Variants in LEKR1 observed in about 807,000 individuals in gnomAD.
The protein encoded by LEKR1 is protein LEKR1.
Under a neutral mutation model 72.4 loss-of-function variants are expected in LEKR1, and 59 were observed. That is an observed-to-expected ratio of 0.82 (90% confidence interval 0.66 to 1.01). LEKR1 has a LOEUF of 1.01. Ranked by LOEUF, LEKR1 falls within the 50% of genes least tolerant of loss-of-function variation. The pLI is 0.00. For missense variants in LEKR1, 728 were observed against 759.2 expected (o/e 0.96, Z 0.48); for synonymous variants, 257 against 263.2 (o/e 0.98, Z 0.23).
intron 5 of LEKR1, among the ~76,000 whole-genome samples, chr3:156,936,537 T>C (rs966065945): frequency 9.9e-5 from 15 of 152,116 alleles, no homozygotes; most frequent in African/African-American, 3.1e-4. Context: ...TTCTAAAGTC[T>C]ATGTTTTTTC....
In LEKR1 at chr3:156,850,916, G is replaced by C. The variant is rs563035486; in HGVS notation, c.49-1852G>C. On this transcript the variant is annotated intron_variant, in intron 2 of 12. Transcript: ENST00000356539. ...TGCACTGCAGTATTTTTAAAATCAG[G>C]GGTTTTATTTAACATAAAGCCAGTT... Among the ~76,000 whole-genome samples the C allele has an allele frequency of 3.3e-5, 5 of 152,028 alleles. No homozygotes were observed. The South Asian group carries it at 8.3e-4, about 25-fold the overall frequency.
intron 9 of LEKR1, among the ~76,000 whole-genome samples, chr3:157,005,611 A>G (rs181671526): frequency 1.3e-5 from 2 of 152,296 alleles, no homozygotes; most frequent in Admixed American, 1.3e-4. Flanking sequence ...GAAATAAATC[A>G]TGAATAAGTG....
At chr3:156,973,928 T>C (rs1576927952) in intron 6 of LEKR1, among the ~76,000 whole-genome samples, 2 of 152,306 alleles carry the variant, frequency 1.3e-5, no homozygotes, top group East Asian at 3.9e-4. Flanking sequence ...TTCAGTGAAG[T>C]AGGAATGTAA....
chr3:157,014,925 T>C (rs1451630034), intron 10 of LEKR1, among the ~76,000 whole-genome samples: 1 of 152,156 alleles, frequency 6.6e-6, no homozygotes, highest in Non-Finnish European at 1.5e-5. Flanking sequence ...AAATACAAAG[T>C]TCCATATTTC....
intron 6 of LEKR1, among the ~76,000 whole-genome samples, chr3:156,953,139 G>A (rs1216759527): frequency 5.4e-5 from 8 of 148,248 alleles, no homozygotes; most frequent in African/African-American, 2.0e-4. Context: ...TTAGGTGAAT[G>A]AGAGATGAAT....
At chr3:156,977,721 T>G (rs1729820812) in intron 6 of LEKR1, 2 of 237,472 alleles carry the variant, frequency 8.4e-6, no homozygotes, top group African/African-American at 2.3e-5. Context: ...ATAAGACATT[T>G]CTGAAAACAT....
At chr3:156,887,399 G>A (rs1304287726) in intron 3 of LEKR1, among the ~76,000 whole-genome samples, 1 of 151,626 alleles carries the variant, frequency 6.6e-6, no homozygotes, top group Non-Finnish European at 1.5e-5. Flanking sequence ...CAGAGTGTGG[G>A]GCGCACAAGA....
intron 11 of LEKR1, among the ~76,000 whole-genome samples, chr3:157,026,789 A>G (rs1354074018): frequency 6.6e-6 from 1 of 152,248 alleles, no homozygotes; most frequent in Non-Finnish European, 1.5e-5. Context: ...ATAATTGAGC[A>G]TAAGTAATAA....
intron 2 of LEKR1, among the ~76,000 whole-genome samples, chr3:156,829,889 A>G (rs569251303): frequency 6.6e-6 from 1 of 152,220 alleles, no homozygotes; most frequent in Non-Finnish European, 1.5e-5. Context: ...AGGCGAACCA[A>G]GTAGCCTAGA....
At chr3:156,908,509 A>C (rs1174282127) in intron 3 of LEKR1, among the ~76,000 whole-genome samples, 2 of 152,086 alleles carry the variant, frequency 1.3e-5, no homozygotes, top group African/African-American at 2.4e-5. Context: ...TACTATCATT[A>C]TTTTATTGCT....
At position 156,852,823 on chromosome 3, in the gene LEKR1, A is replaced by G. The variant is rs1162505315; in HGVS notation, c.104A>G (p.His35Arg). Reference sequence around the variant, plus strand: ...TGTGGAGTCAGCTATCTAATTCTTCATGAATTTAAGGCTATGGAAGAAAAA... The same window carrying G: ...TGTGGAGTCAGCTATCTAATTCTTCGTGAATTTAAGGCTATGGAAGAAAAA... ...KYCGVSYLIL[H>R]EFKAMEEKVK... The change falls in exon 3 of 13, where the codon CAT becomes CGT. Residue 35 changes from histidine (H) to arginine (R), a missense_variant. Coordinates refer to ENST00000356539, the MANE Select transcript of LEKR1 (RefSeq NM_001004316.3). 3.3e-6 allele frequency: 5 copies of G among 1,535,490 alleles called. No homozygotes were observed. In the South Asian group the frequency reaches 6.0e-5, roughly 18 times the overall value.
chr3:156,872,292 A>T (rs1476027590), intron 3 of LEKR1, among the ~76,000 whole-genome samples: 1 of 151,528 alleles, frequency 6.6e-6, no homozygotes, highest in Non-Finnish European at 1.5e-5. Flanking sequence ...CTTCTTTTTC[A>T]TACCTGATTT....
chr3:156,852,677 C>T, intron 2 of LEKR1, 91 bp from the exon 3 acceptor site: 1 of 637,334 alleles, frequency 1.6e-6, no homozygotes, highest in South Asian at 2.1e-5. Context: ...TATGTATTTA[C>T]TTCATTCAAC....
chr3:156,852,825 G>A lies in LEKR1; in HGVS notation c.106G>A (p.Glu36Lys). 6.5e-7 allele frequency: 1 copy of A among 1,535,254 alleles called. No homozygotes were observed. Among genetic ancestry groups the A allele is most frequent in the Non-Finnish European group, 8.7e-7 (1 of 1,145,682 alleles). Residue 36 changes from glutamate to lysine, a missense_variant, in exon 3 of 13, where the codon GAA (glutamate) becomes AAA (lysine). By Grantham distance (56) the Glu-to-Lys change is moderately conservative (BLOSUM62 1). Transcript: ENST00000356539. ...TGGAGTCAGCTATCTAATTCTTCAT[G>A]AATTTAAGGCTATGGAAGAAAAAGT... ...YCGVSYLILHEFKAMEEKVKA... is the reference protein window; with the variant it reads ...YCGVSYLILHKFKAMEEKVKA...
chr3:156,863,975 T>C (rs911107454), intron 3 of LEKR1, among the ~76,000 whole-genome samples: 11 of 151,984 alleles, frequency 7.2e-5, no homozygotes, highest in Admixed American at 2.6e-4. Context: ...CCTAGAAACA[T>C]TGTGAAGAAC....
intron 6 of LEKR1, among the ~76,000 whole-genome samples, chr3:156,975,277 A>T (rs867546072): frequency 1.3e-5 from 2 of 152,056 alleles, no homozygotes; most frequent in Non-Finnish European, 2.9e-5. Flanking sequence ...TACAATAAAA[A>T]AGTACAGCCT....
chr3:156,924,503 T>G, intron 4 of LEKR1: 1 of 687,438 alleles, frequency 1.5e-6, no homozygotes, highest in Non-Finnish European at 2.6e-6. Context: ...AGATTGTGCT[T>G]TTGCTGATGT....
chr3:156,855,146 G>A (rs573171027), intron 3 of LEKR1, among the ~76,000 whole-genome samples: 4 of 151,934 alleles, frequency 2.6e-5, no homozygotes, highest in Non-Finnish European at 4.4e-5. Flanking sequence ...AACATATGTT[G>A]TTCCAAAGGA....
At chr3:156,985,351 G>A (rs1244035620) in intron 7 of LEKR1, among the ~76,000 whole-genome samples, 1 of 152,140 alleles carries the variant, frequency 6.6e-6, no homozygotes, top group Non-Finnish European at 1.5e-5. Context: ...AAAGGAGCTA[G>A]CCATGATTAC....
Sources: gnomAD v4.1 joint callset for allele counts (sites outside exome capture counted in the v4.1 genomes callset) on GRCh38, gnomAD v4.1.1 for gene constraint, MANE v1.5 for transcripts, NCBI Gene and HGNC (gene_info 2026-07-23, HGNC 2026-07-21) for gene names.